The following CEP170 variants were observed in gnomAD, a reference collection of about 807,000 sequenced individuals.
CEP170 encodes centrosomal protein 170.
CEP170 carries 21 observed loss-of-function variants against 151.9 expected under a neutral mutation model. The observed-to-expected ratio is 0.14, with a 90% CI of 0.10 to 0.20. CEP170 has a LOEUF of 0.20. Ranked by LOEUF, CEP170 falls within the 10% of genes least tolerant of loss-of-function variation. The probability of loss-of-function intolerance (pLI) is 1.00; values close to 1 mark genes in which losing one functional copy is unlikely to be tolerated. For missense variants in CEP170, 964 were observed against 1,892.9 expected (o/e 0.51, Z 9.11); for synonymous variants, 356 against 648.8 (o/e 0.55, Z 6.86).
intron 13 of CEP170, among the ~76,000 whole-genome samples, chr1:243,159,270 G>A (rs2057841911): frequency 6.6e-6 from 1 of 152,054 alleles, no homozygotes; most frequent in Non-Finnish European, 1.5e-5. Flanking sequence ...CACATGGGAT[G>A]CTATGAAGAA....
At chr1:243,243,992 G>A (rs2065113959) in intron 1 of CEP170, among the ~76,000 whole-genome samples, 1 of 152,082 alleles carries the variant, frequency 6.6e-6, no homozygotes, top group South Asian at 2.1e-4. Context: ...TTTTTTAACT[G>A]TCTTTTTTTT....
intron 4 of CEP170, among the ~76,000 whole-genome samples, chr1:243,206,574 T>C (rs2148875740): frequency 6.6e-6 from 1 of 152,358 alleles, no homozygotes; most frequent in South Asian, 2.1e-4. Context: ...TGTGAAAATA[T>C]GGATCTGTAC....
chr1:243,215,355 G>C (rs546684957), intron 3 of CEP170, among the ~76,000 whole-genome samples: 5 of 152,312 alleles, frequency 3.3e-5, no homozygotes, highest in Non-Finnish European at 7.3e-5. Context: ...AGGCAGAACA[G>C]AGCCATATTT....
At chr1:243,147,032 G>A (rs1572234754) in intron 14 of CEP170, among the ~76,000 whole-genome samples, 1 of 151,810 alleles carries the variant, frequency 6.6e-6, no homozygotes, top group Non-Finnish European at 1.5e-5. Context: ...CATTGGCTAC[G>A]AAGCATGAAT....
chr1:243,177,289 C>T (rs990614376), intron 10 of CEP170, among the ~76,000 whole-genome samples: 5 of 152,040 alleles, frequency 3.3e-5, no homozygotes, highest in African/African-American at 9.7e-5. Flanking sequence ...AATTCAATAG[C>T]AATAGTGCTA....
At chr1:243,158,249 T>G (rs981184788) in intron 13 of CEP170, among the ~76,000 whole-genome samples, 1 of 152,228 alleles carries the variant, frequency 6.6e-6, no homozygotes, top group East Asian at 1.9e-4. Context: ...AAACATTTCA[T>G]TAAATGCTAA....
intron 1 of CEP170, among the ~76,000 whole-genome samples, chr1:243,226,058 G>GATATATAT (rs10632118): frequency 9.1e-6 from 1 of 109,902 alleles, no homozygotes; most frequent in Non-Finnish European, 2.0e-5. Flanking sequence ...TATATATCTA[G>GATATATAT]ATATATATAT....
At chr1:243,189,741 A>G (rs568858909) in intron 8 of CEP170, among the ~76,000 whole-genome samples, 1 of 151,952 alleles carries the variant, frequency 6.6e-6, no homozygotes, top group Admixed American at 6.5e-5. Flanking sequence ...TAAATTCTCA[A>G]GGTTCAGCTA....
At position 243,185,188 on chromosome 1, in the gene CEP170, G is replaced by C. The variant is rs2059866190; in HGVS notation, c.1566+591C>G. On this transcript the variant is annotated intron_variant, in intron 10 of 19. Coordinates refer to ENST00000366542, the MANE Select transcript of CEP170 (RefSeq NM_014812.3). The surrounding 1 kb of genome is among the most constrained non-coding windows in gnomAD (Gnocchi z 4.9). ...TATCAAAGAATACACTTGAAATGTA[G>C]GTAACTATCACGACTGGTCATATAC... Among the ~76,000 whole-genome samples, 1 of 152,114 alleles carries C rather than the reference G, an allele frequency of 6.6e-6. No individual in the cohort carries two copies. Among genetic ancestry groups the C allele is most frequent in the East Asian group, 1.9e-4 (1 of 5,194 alleles).
At chr1:243,142,989 C>CATA (rs958445596) in intron 14 of CEP170, among the ~76,000 whole-genome samples, 8 of 152,100 alleles carry the variant, frequency 5.3e-5, no homozygotes, top group Non-Finnish European at 1.5e-5. Flanking sequence ...TTATGGTCAT[C>CATA]ACTGCTTCAA....
chr1:243,177,748 A>C (rs1432092308), intron 10 of CEP170, among the ~76,000 whole-genome samples: 7 of 152,230 alleles, frequency 4.6e-5, no homozygotes, highest in African/African-American at 1.7e-4. Context: ...AAATCCCTTA[A>C]AATTCCATGG....
At chr1:243,226,288 G>A (rs2063299696) in intron 1 of CEP170, among the ~76,000 whole-genome samples, 1 of 149,020 alleles carries the variant, frequency 6.7e-6, no homozygotes, top group Admixed American at 6.7e-5. Flanking sequence ...AAATGAAACT[G>A]GTATTTATTA....
chr1:243,227,997 T>A (rs2063442269), intron 1 of CEP170, among the ~76,000 whole-genome samples: 1 of 152,178 alleles, frequency 6.6e-6, no homozygotes. Flanking sequence ...AGTTTCTTCT[T>A]CAGTAAAATA....
intron 17 of CEP170, chr1:243,135,938 T>C: frequency 2.0e-6 from 1 of 505,544 alleles, no homozygotes. Flanking sequence ...ATTTCTGAAG[T>C]ACTGTTGAAT....
chr1:243,137,359 G>C (rs1198783399), intron 16 of CEP170, among the ~76,000 whole-genome samples: 2 of 152,164 alleles, frequency 1.3e-5, no homozygotes, highest in Non-Finnish European at 1.5e-5. Context: ...AAGGCAAAAA[G>C]GTTTAAAGAC....
At chr1:243,141,650 A>C (rs1198647542) in intron 15 of CEP170, among the ~76,000 whole-genome samples, 1 of 152,204 alleles carries the variant, frequency 6.6e-6, no homozygotes, top group African/African-American at 2.4e-5. Context: ...TTTGTATTAC[A>C]TGTTAAAGGT....
chr1:243,184,043 A>G (rs1027966766), intron 10 of CEP170, among the ~76,000 whole-genome samples: 2 of 152,122 alleles, frequency 1.3e-5, no homozygotes, highest in Admixed American at 1.3e-4. Flanking sequence ...TAACCCTTTC[A>G]GTGCTGAAAG....
chr1:243,185,933 G>T lies in CEP170; in HGVS notation c.1412C>A (p.Pro471Gln). 2 of 1,613,690 alleles carry T rather than the reference G, an allele frequency of 1.2e-6. No homozygotes were observed. The highest frequency in any genetic ancestry group is 1.7e-6 in the Non-Finnish European group (2 of 1,179,702). ...TAACATTTTATCCATCTCCTGGCTT[G>T]GTCTGTGCCCAAGACTCCCTGAACT... ...LRSSGSLGHR[P>Q]SQEMDKMLKN... Residue 471 changes from proline (P) to glutamine (Q), a missense_variant, in exon 10 of 20, where the codon CCA becomes CAA. Physicochemically the swap from Pro to Gln is moderately conservative, Grantham distance 76 (BLOSUM62 -1). Coordinates refer to ENST00000366542, the MANE Select transcript of CEP170 (RefSeq NM_014812.3). The surrounding 1 kb of genome is among the most constrained non-coding windows in gnomAD (Gnocchi z 4.9).
At chr1:243,239,517 A>G (rs1198831358) in intron 1 of CEP170, among the ~76,000 whole-genome samples, 1 of 152,224 alleles carries the variant, frequency 6.6e-6, no homozygotes, top group Non-Finnish European at 1.5e-5. Context: ...ATAGCTCCCT[A>G]TAGAGTTCAA....
Sources: gnomAD v4.1 joint callset for allele counts (sites outside exome capture counted in the v4.1 genomes callset) on GRCh38, gnomAD v4.1.1 for gene constraint, Gnocchi (gnomAD v3.1) non-coding constraint, MANE v1.5 for transcripts, NCBI Gene and HGNC (gene_info 2026-07-23, HGNC 2026-07-21) for gene names.